The following ENTPD1 variants were observed in gnomAD, a reference collection of about 807,000 sequenced individuals.
The protein encoded by ENTPD1 is ectonucleoside triphosphate diphosphohydrolase 1.
ENTPD1 carries 33 observed loss-of-function variants against 57.0 expected under a neutral mutation model. That is an observed-to-expected ratio of 0.58 (90% CI 0.44 to 0.77). ENTPD1 has a LOEUF of 0.77. Among genes scored for constraint, ENTPD1 ranks in the 30% least tolerant of loss-of-function variants. The probability of loss-of-function intolerance (pLI) is 0.00; values close to 1 mark genes in which losing one functional copy is unlikely to be tolerated. For missense variants in ENTPD1, 501 were observed against 603.4 expected, an observed-to-expected ratio of 0.83 and a Z score of 1.78; for synonymous variants, 202 against 218.8, an observed-to-expected ratio of 0.92 and a Z score of 0.68.
intron 7 of ENTPD1, 87 bp downstream of exon 7, chr10:95,847,793 A>C: frequency 6.3e-7 from 1 of 1,587,206 alleles, no homozygotes; most frequent in Non-Finnish European, 8.6e-7. Context: ...AATAGGATGC[A>C]TTTTTCTCTT....
intron 1 of ENTPD1, among the ~76,000 whole-genome samples, chr10:95,794,994 A>G (rs1326141675): frequency 6.6e-6 from 1 of 152,184 alleles, no homozygotes; most frequent in Non-Finnish European, 1.5e-5. Flanking sequence ...CTTGTAAGTA[A>G]TGGGAAGCTG....
rs143036060 is a variant in ENTPD1 at position 95,727,555 on chromosome 10, G to A, written c.37+15562G>A. Among the ~76,000 whole-genome samples the A allele has an allele frequency of 2.2e-4, 34 of 152,284 alleles. No homozygotes were observed. The East Asian group carries it at 6.4e-3, about 29-fold the overall frequency. The stretch of plus-strand genomic sequence containing the variant: ...ACTCAAGATGTGCCGTGGGAAGAAT[G>A]CAATCTCTCTACCTCCAATCCCACC... On this transcript the variant is annotated intron_variant, in intron 1 of 9. Coordinates refer to the ENTPD1 transcript ENST00000453258.
At chr10:95,729,704 A>G (rs1054159094) in intron 1 of ENTPD1, among the ~76,000 whole-genome samples, 2 of 152,130 alleles carry the variant, frequency 1.3e-5, no homozygotes, top group African/African-American at 4.8e-5. Flanking sequence ...ACCTCACTCT[A>G]TGTTGTCTTG....
chr10:95,845,807 C>T (rs1358904736), intron 6 of ENTPD1: 4 of 675,186 alleles, frequency 5.9e-6, no homozygotes, highest in East Asian at 5.6e-5. Context: ...ACTGCGTTAT[C>T]TCCACAGACA....
intron 1 of ENTPD1, among the ~76,000 whole-genome samples, chr10:95,776,460 A>G (rs1417172375): frequency 1.3e-5 from 2 of 152,186 alleles, no homozygotes; most frequent in Non-Finnish European, 2.9e-5. Context: ...AATGTTGAAT[A>G]TTGGCCCCCA....
intron 2 of ENTPD1, among the ~76,000 whole-genome samples, chr10:95,833,287 G>A (rs545856672): frequency 1.3e-5 from 2 of 152,044 alleles, no homozygotes; most frequent in South Asian, 4.1e-4. Context: ...TGTTATGTGT[G>A]TTTTACAGCA....
At chr10:95,845,128 T>C (rs983280664) in intron 5 of ENTPD1, among the ~76,000 whole-genome samples, 3 of 152,252 alleles carry the variant, frequency 2.0e-5, no homozygotes, top group African/African-American at 7.2e-5. Context: ...CTCAGACCTC[T>C]TGTTTTTAAA....
chr10:95,719,194 A>G (rs1335991574), intron 1 of ENTPD1, among the ~76,000 whole-genome samples: 1 of 152,194 alleles, frequency 6.6e-6, no homozygotes, highest in East Asian at 1.9e-4. Flanking sequence ...TAGGTAAGCC[A>G]TGGGTTGCAA....
chr10:95,740,864 T>C (rs997113691), intron 1 of ENTPD1, among the ~76,000 whole-genome samples: 1 of 152,230 alleles, frequency 6.6e-6, no homozygotes, highest in Non-Finnish European at 1.5e-5. Flanking sequence ...TTTCTTACCT[T>C]TCTCAGCCTT....
At chr10:95,755,943 T>G, upstream of ENTPD1, 1 of 1,477,344 alleles carries the variant, frequency 6.8e-7, no homozygotes, top group South Asian at 1.4e-5. Flanking sequence ...GAGAGAGAGA[T>G]TTGAATATAC....
At chr10:95,748,498 C>A (rs549649044) in intron 1 of ENTPD1, among the ~76,000 whole-genome samples, 85 of 152,314 alleles carry the variant, frequency 5.6e-4, no homozygotes, top group African/African-American at 1.9e-3. Flanking sequence ...CATCCCTAAT[C>A]TTGTTTTATC....
intron 2 of ENTPD1, among the ~76,000 whole-genome samples, chr10:95,836,897 AG>A (rs2098411092): frequency 6.6e-6 from 1 of 152,238 alleles, no homozygotes; most frequent in Non-Finnish European, 1.5e-5. Flanking sequence ...CTTTCAGTCA[AG>A]CTTTATCTGT....
intron 6 of ENTPD1, 189 bp from the exon 7 acceptor site, chr10:95,847,257 T>C (rs1001907630): frequency 6.0e-6 from 4 of 671,396 alleles, no homozygotes; most frequent in Middle Eastern, 4.0e-4. Context: ...CTGATACCAC[T>C]TCTGGTGCCT....
intron 2 of ENTPD1, among the ~76,000 whole-genome samples, chr10:95,825,572 G>A (rs2098371881): frequency 1.3e-5 from 2 of 151,910 alleles, no homozygotes; most frequent in Admixed American, 1.3e-4. Context: ...TTCTTTGTTT[G>A]GGGTTTTTGT....
upstream of ENTPD1, among the ~76,000 whole-genome samples, chr10:95,752,772 A>G (rs2098014113): frequency 6.6e-6 from 1 of 152,068 alleles, no homozygotes; most frequent in Admixed American, 6.6e-5. Context: ...CCTCCAGACA[A>G]CCTACTGCTT....
chr10:95,719,305 G>A (rs1230062838), intron 1 of ENTPD1, among the ~76,000 whole-genome samples: 1 of 152,188 alleles, frequency 6.6e-6, no homozygotes, highest in African/African-American at 2.4e-5. Flanking sequence ...TAATACTGGG[G>A]CTTCGGTTAG....
At chr10:95,745,589 G>A (rs759849245) in intron 1 of ENTPD1, among the ~76,000 whole-genome samples, 5 of 152,120 alleles carry the variant, frequency 3.3e-5, no homozygotes, top group Non-Finnish European at 5.9e-5. Context: ...GGAGTTAAAG[G>A]GGATATTTCA....
chr10:95,793,484 T>C (rs1234652190), intron 1 of ENTPD1, among the ~76,000 whole-genome samples: 1 of 152,182 alleles, frequency 6.6e-6, no homozygotes, highest in Non-Finnish European at 1.5e-5. Flanking sequence ...CTTTCTCCCC[T>C]TCTCATCCGC....
Position 95,870,558 on chromosome 10 carries a change from C to T in ENTPD1, c.*4175C>T, listed in dbSNP as rs1470254871. On this transcript the variant is annotated 3_prime_UTR_variant, in exon 10 of 10. Coordinates refer to ENST00000371205, the MANE Select transcript of ENTPD1 (RefSeq NM_001776.6). ...CCTCCCAAAGTGTTGAGATTACAGG[C>T]GTAAGCCACTGCACCTGGCCAAGAT... 3.0e-6 allele frequency: 3 copies of T among 985,232 alleles called. No individual in the cohort carries two copies. The highest frequency in any genetic ancestry group is 3.6e-6 in the Non-Finnish European group (3 of 829,768). 61.0% of individuals were successfully genotyped at this position (985,232 alleles called of 1,614,324 possible).
Sources: gnomAD v4.1 joint callset for allele counts (sites outside exome capture counted in the v4.1 genomes callset) on GRCh38, gnomAD v4.1.1 for gene constraint, MANE v1.5 for transcripts, NCBI Gene and HGNC (gene_info 2026-07-23, HGNC 2026-07-21) for gene names.